Variants in ATP8A2 observed in about 807,000 individuals in gnomAD.
ATP8A2 encodes the protein phospholipid-transporting ATPase IB.
ATP8A2 carries 100 observed loss-of-function variants against 165.6 expected under a neutral mutation model. The ratio of observed to expected loss-of-function variants is 0.60; its 90% CI spans 0.51 to 0.71. The LOEUF is 0.71. ATP8A2 is among the 30% of genes least tolerant of loss of function. ATP8A2 has a pLI of 0.00. For missense variants in ATP8A2, 1,227 were observed against 1,479.5 expected, an observed-to-expected ratio of 0.83 and a Z score of 2.80; for synonymous variants, 543 against 548.8, an observed-to-expected ratio of 0.99 and a Z score of 0.15.
At position 25,977,274 on chromosome 13, in the gene ATP8A2, A is replaced by G. The variant is rs201069460; in HGVS notation, c.3377+8595A>G. Among the ~76,000 whole-genome samples the G allele has an allele frequency of 4.4e-4, 67 of 152,266 alleles. No homozygotes were observed. The East Asian group carries it at 0.01, about 23-fold the overall frequency. ...TGGGCAAAGCCTAATGCCGGCAAACATTTTAGTTGAGACAATGGGGAGAGT... is the reference window on the plus strand; with the variant it reads ...TGGGCAAAGCCTAATGCCGGCAAACGTTTTAGTTGAGACAATGGGGAGAGT... On this transcript the variant is annotated intron_variant, in intron 35 of 36. Transcript: ENST00000381655.
At chr13:25,670,579 C>G (rs746920282) in intron 24 of ATP8A2, among the ~76,000 whole-genome samples, 17 of 152,174 alleles carry the variant, frequency 1.1e-4, no homozygotes, top group Admixed American at 2.6e-4. Context: ...ACTGGTTTAC[C>G]ACCTTTTGGC....
intron 7 of ATP8A2, 86 bp from the exon 8 acceptor site, chr13:25,540,231 GAC>G (rs2038427340): frequency 2.1e-6 from 2 of 967,332 alleles, no homozygotes; most frequent in South Asian, 2.7e-5. Flanking sequence ...CCAATCAGCA[GAC>G]ACAGATTCCA....
chr13:25,809,092 A>T (rs1345173574), intron 27 of ATP8A2, among the ~76,000 whole-genome samples: 1 of 152,218 alleles, frequency 6.6e-6, no homozygotes, highest in Non-Finnish European at 1.5e-5. Context: ...TATATGAAAT[A>T]ATATTAGCTT....
chr13:25,424,960 A>G (rs973367961), intron 1 of ATP8A2, among the ~76,000 whole-genome samples: 1 of 152,184 alleles, frequency 6.6e-6, no homozygotes, highest in Non-Finnish European at 1.5e-5. Flanking sequence ...CTTGGTCTCA[A>G]ATAAATAAAT....
In ATP8A2 at chr13:25,860,699, G is replaced by T. The variant is rs936950345; in HGVS notation, c.3019-105G>T. On this transcript the variant is annotated intron_variant, in intron 31 of 36. Transcript: ENST00000381655. ...TGGCTGGTGCTTTCAAACCGGAGCT[G>T]CCTTGGGGAAGCTAGTTCTGGAGTG... 2.2e-5 allele frequency: 19 copies of T among 856,110 alleles called. No individual in the cohort carries two copies. The African/African-American group carries it at 2.7e-4, about 12-fold the overall frequency. 53.0% of individuals were successfully genotyped at this position (856,110 alleles called of 1,614,324 possible).
At chr13:25,525,488 G>T (rs1438692080) in intron 2 of ATP8A2, among the ~76,000 whole-genome samples, 1 of 152,144 alleles carries the variant, frequency 6.6e-6, no homozygotes. Flanking sequence ...TTGTAAGATG[G>T]ATCTGGTGAT....
chr13:25,794,854 CACA>C (rs1350266187), intron 27 of ATP8A2, among the ~76,000 whole-genome samples: 1 of 151,486 alleles, frequency 6.6e-6, no homozygotes, highest in African/African-American at 2.4e-5. Context: ...CACACACACA[CACA>C]CACCTTCTCT....
At chr13:25,688,683 C>T (rs796279422) in intron 24 of ATP8A2, among the ~76,000 whole-genome samples, 11 of 152,336 alleles carry the variant, frequency 7.2e-5, no homozygotes, top group African/African-American at 2.6e-4. Flanking sequence ...ATAACTCTGT[C>T]TGTACTCCCC....
At chr13:25,422,271 T>C (rs993110545) in intron 1 of ATP8A2, among the ~76,000 whole-genome samples, 2 of 152,228 alleles carry the variant, frequency 1.3e-5, no homozygotes, top group African/African-American at 4.8e-5. Context: ...TAGTAATATA[T>C]TTTGGCACAA....
chr13:25,914,775 C>T (rs748303788), intron 33 of ATP8A2, among the ~76,000 whole-genome samples: 26 of 152,232 alleles, frequency 1.7e-4, no homozygotes, highest in Admixed American at 1.1e-3. Flanking sequence ...AGGGGCTTCG[C>T]AGTGCTCCCC....
rs1444065840 is a variant in ATP8A2, at chr13:25,554,975, G to A, written c.1186-16G>A. The A allele has an allele frequency of 6.5e-7, 1 of 1,529,378 alleles. No individual in the cohort carries two copies. Among genetic ancestry groups the A allele is most frequent in the Non-Finnish European group, 9.0e-7 (1 of 1,108,256 alleles). 94.7% of individuals were successfully genotyped at this position (1,529,378 alleles called of 1,614,324 possible). On this transcript the variant is annotated splice_polypyrimidine_tract_variant and intron_variant, in intron 12 of 36. Transcript: ENST00000381655. ...TATATTTTCTGAAATCCTGTCTCTT[G>A]TTCTCTCTCTCTCAGGACACAGATA...
chr13:25,752,087 C>G (rs912246194), intron 25 of ATP8A2, among the ~76,000 whole-genome samples: 24 of 151,672 alleles, frequency 1.6e-4, no homozygotes, highest in African/African-American at 5.3e-4. Context: ...TTGGTGCAGT[C>G]CTACGTAAAG....
intron 33 of ATP8A2, among the ~76,000 whole-genome samples, chr13:25,899,809 C>T (rs1953679750): frequency 1.3e-5 from 2 of 152,158 alleles, no homozygotes; most frequent in South Asian, 4.1e-4. Flanking sequence ...GATGGAGAGT[C>T]TTTGGAGAGC....
chr13:25,550,919 G>C (rs2038801303), intron 10 of ATP8A2, among the ~76,000 whole-genome samples: 1 of 152,218 alleles, frequency 6.6e-6, no homozygotes, highest in Non-Finnish European at 1.5e-5. Context: ...ATTTATTGCA[G>C]AGCTGTGCTA....
chr13:25,480,654 T>C (rs865807305), intron 2 of ATP8A2, among the ~76,000 whole-genome samples: 3 of 148,754 alleles, frequency 2.0e-5, no homozygotes, highest in East Asian at 2.0e-4. Context: ...CGGGCAGAGA[T>C]GCTCCTCACT....
intron 24 of ATP8A2, among the ~76,000 whole-genome samples, chr13:25,681,224 C>T (rs1313878533): frequency 2.0e-5 from 3 of 152,186 alleles, no homozygotes; most frequent in Non-Finnish European, 4.4e-5. Flanking sequence ...AGATACCCGG[C>T]ATGCTTGACT....
chr13:25,825,857 G>T (rs1489187034), intron 27 of ATP8A2, among the ~76,000 whole-genome samples: 1 of 152,090 alleles, frequency 6.6e-6, no homozygotes, highest in East Asian at 1.9e-4. Flanking sequence ...TCTTCACCGA[G>T]AATAGCCAGA....
chr13:25,920,887 G>A (rs1481743083), intron 33 of ATP8A2, among the ~76,000 whole-genome samples: 1 of 152,182 alleles, frequency 6.6e-6, no homozygotes, highest in Non-Finnish European at 1.5e-5. Context: ...GACCAGCCTG[G>A]TGAAAACCTG....
At chr13:25,968,030 G>A (rs182438461) in intron 34 of ATP8A2, among the ~76,000 whole-genome samples, 1 of 152,288 alleles carries the variant, frequency 6.6e-6, no homozygotes, top group Non-Finnish European at 1.5e-5. Context: ...TTGACTCCAC[G>A]TTTCAAGCCT....
Sources: gnomAD v4.1 joint callset for allele counts (sites outside exome capture counted in the v4.1 genomes callset) on GRCh38, gnomAD v4.1.1 for gene constraint, MANE v1.5 for transcripts, NCBI Gene and HGNC (gene_info 2026-07-23, HGNC 2026-07-21) for gene names.